CNOT6L: variants seen among roughly 807,000 people sequenced by gnomAD.
The protein encoded by CNOT6L is CCR4-NOT transcription complex subunit 6-like.
A neutral mutation model predicts 64.0 loss-of-function variants in CNOT6L; 7 were observed. The observed-to-expected ratio is 0.11, with a 90% CI of 0.06 to 0.21. The LOEUF (loss-of-function observed/expected upper bound fraction) is 0.21, where lower values mean the gene tolerates loss of function less well. Among genes scored for constraint, CNOT6L ranks in the 10% least tolerant of loss-of-function variants. CNOT6L has a pLI of 1.00. For missense variants in CNOT6L, 245 were observed against 669.0 expected (o/e 0.37, Z 6.99); for synonymous variants, 193 against 243.4 (o/e 0.79, Z 1.93).
chr4:77,796,810 G>A (rs1730899091), intron 1 of CNOT6L, among the ~76,000 whole-genome samples: 1 of 152,088 alleles, frequency 6.6e-6, no homozygotes, highest in Admixed American at 6.6e-5. Context: ...GCCAGGTGTG[G>A]TGGCTCATGC....
At chr4:77,794,109 A>G (rs148770626) in intron 1 of CNOT6L, among the ~76,000 whole-genome samples, 3,973 of 131,140 alleles carry the variant, frequency 0.03, 81 homozygotes, top group Middle Eastern at 0.069. Flanking sequence ...CCCAGATCGC[A>G]CCACTGCACT....
chr4:77,736,540 T>TC (rs1560578464), intron 8 of CNOT6L, among the ~76,000 whole-genome samples: 1 of 151,868 alleles, frequency 6.6e-6, no homozygotes, highest in Non-Finnish European at 1.5e-5. Flanking sequence ...TGCATCTACT[T>TC]TGTTTCACAG....
In CNOT6L at chr4:77,728,901, G is replaced by A; in HGVS notation, c.1205C>T (p.Ser402Phe). 1 of 1,613,738 alleles carries A rather than the reference G, an allele frequency of 6.2e-7. No individual in the cohort carries two copies. The highest frequency in any genetic ancestry group is 8.5e-7 in the Non-Finnish European group (1 of 1,179,692). Residue 402 changes from serine (S) to phenylalanine (F), a missense_variant, in exon 10 of 12, where the codon TCC becomes TTC. Around this residue, in one of 10 missense-constraint regions of CNOT6L, gnomAD observed 17 missense variants for 23.6 expected, o/e 0.72. Transcript: ENST00000504123. ...RPGSPTADPN[S>F]IPLVLCADLN... is the part of the protein sequence containing the mutation. ...ATCTGCACATAGCACCAGCGGGATG[G>A]AATTAGGATCTGCAGTTGGGCTTCC...
chr4:77,747,722 T>C (rs1053514415), intron 6 of CNOT6L, among the ~76,000 whole-genome samples: 29 of 152,216 alleles, frequency 1.9e-4, no homozygotes, highest in Admixed American at 1.9e-3. Flanking sequence ...AAGGCTTATG[T>C]TTTCTACATT....
At chr4:77,791,041 G>A (rs1055159556) in intron 1 of CNOT6L, among the ~76,000 whole-genome samples, 1 of 152,074 alleles carries the variant, frequency 6.6e-6, no homozygotes, top group African/African-American at 2.4e-5. Flanking sequence ...ACTTCGGGAG[G>A]CTGAGGCGGG....
chr4:77,799,168 C>T (rs1731210203), intron 1 of CNOT6L, among the ~76,000 whole-genome samples: 1 of 152,084 alleles, frequency 6.6e-6, no homozygotes, highest in Non-Finnish European at 1.5e-5. Flanking sequence ...TGGCTCATGA[C>T]TGTAATCCCA....
intron 1 of CNOT6L, among the ~76,000 whole-genome samples, chr4:77,807,738 A>G (rs1732417677): frequency 6.6e-6 from 1 of 152,218 alleles, no homozygotes; most frequent in African/African-American, 2.4e-5. Flanking sequence ...GGCCTTACAC[A>G]TAATGCTAAG....
upstream of CNOT6L, chr4:77,819,440 G>GACGCAA (rs1267849354): frequency 4.2e-5 from 66 of 1,575,696 alleles, no homozygotes; most frequent in African/African-American, 4.9e-4. Flanking sequence ...CGCAGACGCA[G>GACGCAA]ACGCAAACAC....
intron 5 of CNOT6L, among the ~76,000 whole-genome samples, chr4:77,749,900 A>G (rs1406379717): frequency 6.6e-6 from 1 of 152,208 alleles, no homozygotes; most frequent in African/African-American, 2.4e-5. Context: ...TCCTGGGATC[A>G]GCCCTATCTT....
At chr4:77,809,854 T>C (rs561745698) in intron 1 of CNOT6L, among the ~76,000 whole-genome samples, 1 of 152,232 alleles carries the variant, frequency 6.6e-6, no homozygotes, top group South Asian at 2.1e-4. Flanking sequence ...AAAAGATGAA[T>C]ATAAGGAACA....
At chr4:77,734,553 A>G (rs977307677) in intron 8 of CNOT6L, among the ~76,000 whole-genome samples, 1 of 152,156 alleles carries the variant, frequency 6.6e-6, no homozygotes, top group Non-Finnish European at 1.5e-5. Context: ...ATTGCTACAT[A>G]TATTTTTCTG....
chr4:77,787,020 C>T (rs1729525900), intron 1 of CNOT6L, among the ~76,000 whole-genome samples: 1 of 151,880 alleles, frequency 6.6e-6, no homozygotes, highest in Non-Finnish European at 1.5e-5. Flanking sequence ...AATCCCAGCA[C>T]TTTGGGAGGC....
At chr4:77,798,754 G>A (rs186088707) in intron 1 of CNOT6L, among the ~76,000 whole-genome samples, 93 of 151,982 alleles carry the variant, frequency 6.1e-4, no homozygotes, top group Non-Finnish European at 9.4e-4. Flanking sequence ...GGAGGCCGAG[G>A]TGGGAGGATT....
Position 77,761,052 on chromosome 4 carries a change from A to T in CNOT6L, c.401-4101T>A, listed in dbSNP as rs537934438. 4.0e-5 allele frequency among the ~76,000 whole-genome samples: 6 copies of T among 151,602 alleles called. No homozygotes were observed. The South Asian group carries it at 1.3e-3, about 32-fold the overall frequency. ...ATATTAAGAAAACTATATGTGTGTA[A>T]ATTTAACAACTTAGAAGAAATGGAC... On this transcript the variant is annotated intron_variant, in intron 4 of 11. Transcript: ENST00000504123.
intron 8 of CNOT6L, among the ~76,000 whole-genome samples, chr4:77,737,397 T>G (rs1031729407): frequency 2.0e-5 from 3 of 148,042 alleles, no homozygotes; most frequent in Admixed American, 6.8e-5. Context: ...ATCCTATATT[T>G]GTACCGTTCT....
chr4:77,733,230 A>G (rs1722629375), intron 8 of CNOT6L, among the ~76,000 whole-genome samples: 1 of 152,114 alleles, frequency 6.6e-6, no homozygotes, highest in African/African-American at 2.4e-5. Flanking sequence ...GACAGAGATG[A>G]TATAGTTTTA....
chr4:77,719,322 T>C lies in CNOT6L; in HGVS notation c.*1109A>G, dbSNP rs1721057321. ...AAGCATATGATGGCCATTTGGCAGC[T>C]AGAGTCAGGAAAATGACCCAACGTT... On this transcript the variant is annotated 3_prime_UTR_variant, in exon 12 of 12. Coordinates refer to ENST00000504123, the MANE Select transcript of CNOT6L (RefSeq NM_144571.3). 1 of 152,086 alleles carries C rather than the reference T, an allele frequency of 6.6e-6. No individual in the cohort carries two copies. Among genetic ancestry groups the C allele is most frequent in the Non-Finnish European group, 1.5e-5 (1 of 68,036 alleles). The allele number at this position is 152,086 out of a possible 1,614,324, so 9.4% of individuals were successfully genotyped here. A position where few individuals can be genotyped will look rare whatever the true frequency, so the allele number is the denominator to read the frequency against.
chr4:77,735,132 G>GGCCCAC (rs1326117160), intron 8 of CNOT6L, among the ~76,000 whole-genome samples: 7 of 152,130 alleles, frequency 4.6e-5, no homozygotes, highest in African/African-American at 1.7e-4. Flanking sequence ...AAAGTCCAGG[G>GGCCCAC]ATGTGGGCCC....
intron 8 of CNOT6L, among the ~76,000 whole-genome samples, chr4:77,738,172 T>C (rs1240647318): frequency 1.3e-5 from 2 of 152,172 alleles, no homozygotes; most frequent in African/African-American, 4.8e-5. Flanking sequence ...CATGACAACC[T>C]AAGTTCCCAA....
Sources: gnomAD v4.1 joint callset for allele counts (sites outside exome capture counted in the v4.1 genomes callset) on GRCh38, gnomAD v4.1.1 for gene constraint, gnomAD v4.1.1 regional missense constraint, MANE v1.5 for transcripts, NCBI Gene and HGNC (gene_info 2026-07-23, HGNC 2026-07-21) for gene names.